The following CNKSR1 variants were observed in gnomAD, a reference collection of about 807,000 sequenced individuals.
CNKSR1 encodes the protein CNK homolog protein 1.
CNKSR1 carries 88 observed loss-of-function variants against 95.6 expected under a neutral mutation model. The ratio of observed to expected loss-of-function variants is 0.92; its 90% CI spans 0.78 to 1.10. The LOEUF is 1.10. Ranked by LOEUF, CNKSR1 falls within the 50% of genes least tolerant of loss-of-function variation. The probability of loss-of-function intolerance (pLI) is 0.00; values close to 1 mark genes in which losing one functional copy is unlikely to be tolerated. For synonymous variants in CNKSR1, 355 were observed against 369.7 expected, an observed-to-expected ratio of 0.96 and a Z score of 0.46; for missense variants, 836 against 912.0, an observed-to-expected ratio of 0.92 and a Z score of 1.07.
rs770244466 is a variant in CNKSR1, at chr1:26,188,439, C to G, written c.1529-3C>G. On this transcript the variant is annotated splice_polypyrimidine_tract_variant and splice_region_variant and intron_variant, in intron 17 of 20. Coordinates refer to ENST00000361530, the MANE Select transcript of CNKSR1 (RefSeq NM_006314.3). ...AAAAACCCACTGCTGCTCCTCACCC[C>G]AGACTGCTACAGTGAGACCGAAGCA... is the stretch of plus-strand genomic sequence containing the variant. 9 of 1,604,988 alleles carry G rather than the reference C, an allele frequency of 5.6e-6. No individual in the cohort carries two copies. In the African/African-American group the frequency reaches 9.4e-5, roughly 17 times the overall value.
chr1:26,182,676 C>T (rs2088667542), intron 6 of CNKSR1, 92 bp downstream of exon 6: 3 of 1,153,514 alleles, frequency 2.6e-6, no homozygotes, highest in African/African-American at 1.5e-5. Context: ...GAACCCTGTG[C>T]TGCCATGGCT....
intron 4 of CNKSR1, 104 bp downstream of exon 4, chr1:26,182,045 G>A (rs2088655852): frequency 1.5e-5 from 17 of 1,144,386 alleles, no homozygotes; most frequent in South Asian, 6.2e-5. Context: ...TGAGGATTGA[G>A]ACGGGCGAGA....
chr1:26,189,144 T>C, intron 20 of CNKSR1, 135 bp from the exon 21 acceptor site: 2 of 1,308,098 alleles, frequency 1.5e-6, no homozygotes, highest in Non-Finnish European at 2.2e-6. Flanking sequence ...GGGATTTGAG[T>C]CTCACCTAGG....
rs540986685 is a variant in CNKSR1, at chr1:26,177,702, G to A, written c.52+103G>A. 2.0e-5 allele frequency: 27 copies of A among 1,371,418 alleles called. No homozygotes were observed. In the African/African-American group the frequency reaches 3.1e-4, roughly 16 times the overall value. The allele number at this position is 1,371,418 out of a possible 1,614,324, so 85.0% of individuals were successfully genotyped here. ...AGGAAAAAAAATCTGCGGACTGGGT[G>A]CGCTGGTTCACACCTGTAATCCCAG... On this transcript the variant is annotated intron_variant, in intron 1 of 20. Coordinates refer to ENST00000361530, the MANE Select transcript of CNKSR1 (RefSeq NM_006314.3).
At chr1:26,185,260 A>G in intron 14 of CNKSR1, 74 bp downstream of exon 14, 3 of 1,435,666 alleles carry the variant, frequency 2.1e-6, no homozygotes, top group South Asian at 1.2e-5. Flanking sequence ...CTATTCTATC[A>G]TCCACTCTTA....
At position 26,180,877 on chromosome 1, in the gene CNKSR1, C is replaced by T; in HGVS notation, c.373C>T (p.Leu125Phe). Residue 125 changes from leucine (L) to phenylalanine (F), a missense_variant, in exon 3 of 21, where the codon CTC (leucine) becomes TTC (phenylalanine). Coordinates refer to ENST00000361530, the MANE Select transcript of CNKSR1 (RefSeq NM_006314.3). ...GGAGCTGTTGCATGAAGCTGACGCC[C>T]TCCTCTTCTGGCTCAGCAGGTACCC... ...AVELLHEADA[L>F]LFWLSRYLFS... 6.2e-7 allele frequency: 1 copy of T among 1,614,216 alleles called. No homozygotes were observed. The highest frequency in any genetic ancestry group is 8.5e-7 in the Non-Finnish European group (1 of 1,180,040).
At position 26,183,308 on chromosome 1, in the gene CNKSR1, C is replaced by T. The variant is rs371696403; in HGVS notation, c.685-38C>T. On this transcript the variant is annotated intron_variant, in intron 7 of 20. Transcript: ENST00000361530. ...GCCCATCCCCGAGGCCTCTCACCTGCAAGCCAGGCCAACCTCAGGCCCCAT... is the reference window on the plus strand; with the variant it reads ...GCCCATCCCCGAGGCCTCTCACCTGTAAGCCAGGCCAACCTCAGGCCCCAT... The T allele has an allele frequency of 2.3e-4, 373 of 1,614,072 alleles. 2 individuals are homozygous for T. In the South Asian group the frequency reaches 3.8e-3, roughly 16 times the overall value.
intron 1 of CNKSR1, among the ~76,000 whole-genome samples, chr1:26,177,945 C>T (rs539887384): frequency 3.1e-4 from 47 of 151,490 alleles, no homozygotes; most frequent in African/African-American, 5.1e-4. Flanking sequence ...CCAGTCTGGA[C>T]GACAGAGCGA....
intron 20 of CNKSR1, 149 bp from the exon 21 acceptor site, chr1:26,189,130 A>T: frequency 7.9e-7 from 1 of 1,269,996 alleles, no homozygotes; most frequent in Non-Finnish European, 1.1e-6. Flanking sequence ...CTGGGTTCCG[A>T]GTGGGGATTT....
rs2088715685 is a variant in CNKSR1 at position 26,184,626 on chromosome 1, T to C, written c.1135+14T>C. ...AGAAATCAAAAGGTATGAGGTGCGC[T>C]GGACTAGGTGGGGGTTCCCCTGTTT... On this transcript the variant is annotated intron_variant, in intron 13 of 20. Coordinates refer to ENST00000361530, the MANE Select transcript of CNKSR1 (RefSeq NM_006314.3). 8 of 1,592,808 alleles carry C rather than the reference T, an allele frequency of 5.0e-6. No individual in the cohort carries two copies. Among genetic ancestry groups the C allele is most frequent in the Non-Finnish European group, 6.0e-6 (7 of 1,169,660 alleles).
intron 8 of CNKSR1, 52 bp downstream of exon 8, chr1:26,183,466 C>T (rs756143304): frequency 2.5e-6 from 4 of 1,590,842 alleles, no homozygotes; most frequent in African/African-American, 2.7e-5. Context: ...CGAGTGGAAC[C>T]CAAGTCTGGT....
At chr1:26,180,653 TG>T in intron 2 of CNKSR1, 43 bp downstream of exon 2, 2 of 1,613,936 alleles carry the variant, frequency 1.2e-6, no homozygotes, top group Non-Finnish European at 8.5e-7. Context: ...TCCACCAACC[TG>T]GGGGGTGTGA....
At chr1:26,178,068 G>A (rs2088590997) in intron 1 of CNKSR1, among the ~76,000 whole-genome samples, 1 of 152,210 alleles carries the variant, frequency 6.6e-6, no homozygotes, top group South Asian at 2.1e-4. Context: ...GTGCTGGGCA[G>A]AGAGACAGAT....
chr1:26,188,083 A>G (rs1203880832), intron 16 of CNKSR1, 151 bp from the exon 17 acceptor site: 1 of 739,356 alleles, frequency 1.4e-6, no homozygotes, highest in Admixed American at 2.0e-5. Flanking sequence ...TCTAAGCCTC[A>G]GTTTCATCAT....
intron 14 of CNKSR1, among the ~76,000 whole-genome samples, chr1:26,186,606 C>G (rs770485217): frequency 6.6e-6 from 1 of 152,206 alleles, no homozygotes; most frequent in East Asian, 1.9e-4. Flanking sequence ...TCCCGAGTAG[C>G]TGGGATTACA....
In CNKSR1 at chr1:26,181,462, A is replaced by G. The variant is rs567955840; in HGVS notation, c.393-395A>G. ...CTGTGCACTGGCTGCTGCTTGTCCT[A>G]CAGACCCCACCTCAAATGTCATCTC... On this transcript the variant is annotated intron_variant, in intron 3 of 20. Coordinates refer to ENST00000361530, the MANE Select transcript of CNKSR1 (RefSeq NM_006314.3). 1.5e-5 allele frequency: 4 copies of G among 260,174 alleles called. No individual in the cohort carries two copies. The South Asian group carries it at 1.8e-4, about 12-fold the overall frequency. The allele number at this position is 260,174 out of a possible 1,614,324, so 16.1% of individuals were successfully genotyped here.
chr1:26,186,908 G>C, intron 14 of CNKSR1: 1 of 472,962 alleles, frequency 2.1e-6, no homozygotes, highest in Non-Finnish European at 3.8e-6. Flanking sequence ...CGGCCTTCAG[G>C]CTCCTCTTTT....
In CNKSR1 at chr1:26,187,442, C is replaced by T. The variant is rs762473297; in HGVS notation, c.1414C>T (p.Pro472Ser). The change falls in exon 16 of 21, where the codon CCC becomes TCC. Residue 472 changes from proline (P) to serine (S), a missense_variant. Transcript: ENST00000361530. Reference protein sequence around the residue: ...VFQLTHDVYKPFIFAADTLTD... With the variant: ...VFQLTHDVYKSFIFAADTLTD... The stretch of plus-strand genomic sequence containing the variant: ...TCAGCTCACCCATGATGTGTACAAA[C>T]CCTTCATCTTCGCTGCTGATACCCT... The T allele has an allele frequency of 2.9e-5, 46 of 1,613,916 alleles. 1 individual carries two copies. The highest frequency in any genetic ancestry group is 3.6e-5 in the Non-Finnish European group (42 of 1,180,006).
At chr1:26,180,134 C>CA (rs1461646257) in intron 1 of CNKSR1, 27 of 407,180 alleles carry the variant, frequency 6.6e-5, no homozygotes, top group Non-Finnish European at 9.5e-5. Context: ...AAAACAAAAA[C>CA]AAAAAAAAGA....
Sources: allele counts gnomAD v4.1 joint callset (sites outside exome capture counted in the v4.1 genomes callset), GRCh38; gene constraint gnomAD v4.1.1; transcripts MANE v1.5; gene names NCBI Gene and HGNC (gene_info 2026-07-23, HGNC 2026-07-21).